CMTM8: variants seen among roughly 807,000 people sequenced by gnomAD.
CMTM8 encodes the protein CKLF like MARVEL transmembrane domain containing 8.
Under a neutral mutation model 18.6 loss-of-function variants are expected in CMTM8, and 12 were observed. That is an observed-to-expected ratio of 0.65 (90% CI 0.41 to 1.05). CMTM8 has a LOEUF of 1.05. Among genes scored for constraint, CMTM8 ranks in the 50% least tolerant of loss-of-function variants. CMTM8 has a pLI of 0.00. For synonymous variants in CMTM8, 87 were observed against 90.6 expected (o/e 0.96, Z 0.23); for missense variants, 217 against 227.2 (o/e 0.95, Z 0.29).
intron 1 of CMTM8, among the ~76,000 whole-genome samples, chr3:32,298,514 C>G: frequency 6.9e-6 from 1 of 144,262 alleles, no homozygotes; most frequent in South Asian, 2.3e-4. Context: ...CTCTTGGTCT[C>G]TTTCCAGGGC....
chr3:32,259,241 A>C (rs1279937399), intron 1 of CMTM8: 15 of 585,654 alleles, frequency 2.6e-5, no homozygotes, highest in Non-Finnish European at 4.7e-5. Flanking sequence ...TACCTGGACA[A>C]AGTGAAGAGC....
At chr3:32,299,684 G>A (rs1407229515) in intron 1 of CMTM8, among the ~76,000 whole-genome samples, 2 of 152,182 alleles carry the variant, frequency 1.3e-5, no homozygotes, top group East Asian at 1.9e-4. Context: ...ATTGACGGTA[G>A]TCTTCAAGAA....
At chr3:32,307,169 G>A (rs1018810354) in intron 1 of CMTM8, among the ~76,000 whole-genome samples, 35 of 151,978 alleles carry the variant, frequency 2.3e-4, no homozygotes, top group Admixed American at 7.2e-4. Context: ...GTGAAATCCC[G>A]TCTCTACTAA....
At chr3:32,285,575 A>T (rs754003426) in intron 1 of CMTM8, among the ~76,000 whole-genome samples, 1 of 152,042 alleles carries the variant, frequency 6.6e-6, no homozygotes, top group Non-Finnish European at 1.5e-5. Flanking sequence ...GGTGAAATCT[A>T]TGTGAAGTGT....
At chr3:32,311,162 T>C (rs1460604652) in intron 1 of CMTM8, among the ~76,000 whole-genome samples, 1 of 152,266 alleles carries the variant, frequency 6.6e-6, no homozygotes, top group Non-Finnish European at 1.5e-5. Context: ...TGACGTGTTT[T>C]TGTGTGACCC....
chr3:32,239,184 G>C, intron 1 of CMTM8, 65 bp downstream of exon 1: 1 of 1,527,734 alleles, frequency 6.5e-7, no homozygotes, highest in Non-Finnish European at 8.8e-7. Flanking sequence ...CTTCCGCCGT[G>C]CTTCTCGGGA....
rs75377953 is a variant in CMTM8, at chr3:32,318,522, A to G, written c.148-38851A>G. 6.0e-3 allele frequency among the ~76,000 whole-genome samples: 904 copies of G among 151,928 alleles called. 11 individuals carry two copies. Among genetic ancestry groups the G allele is most frequent in the African/African-American group, 0.019 (799 of 41,442 alleles). ...TGTGAGAAATGTGAAACTGCGCACA[A>G]TAAAATCACATCTGCCCACCACTTA... On this transcript the variant is annotated intron_variant, in intron 1 of 3. Transcript: ENST00000307526.
intron 1 of CMTM8, among the ~76,000 whole-genome samples, chr3:32,242,904 C>G (rs903237989): frequency 1.3e-5 from 2 of 151,276 alleles, no homozygotes; most frequent in African/African-American, 4.9e-5. Context: ...GTTGCCCAGG[C>G]TGGAGTGCAG....
intron 1 of CMTM8, among the ~76,000 whole-genome samples, chr3:32,269,229 A>C (rs895074305): frequency 1.3e-5 from 2 of 152,132 alleles, no homozygotes; most frequent in African/African-American, 4.8e-5. Context: ...TAGAGGGGAG[A>C]AATGTCTGTG....
At chr3:32,341,136 CT>C (rs1405810551) in intron 1 of CMTM8, among the ~76,000 whole-genome samples, 1 of 152,196 alleles carries the variant, frequency 6.6e-6, no homozygotes, top group Non-Finnish European at 1.5e-5. Context: ...TTCAAAAGGC[CT>C]TGTCGTGATC....
intron 1 of CMTM8, among the ~76,000 whole-genome samples, chr3:32,346,603 G>A (rs1696600373): frequency 1.9e-5 from 1 of 53,462 alleles, no homozygotes; most frequent in Non-Finnish European, 3.9e-5. Flanking sequence ...GAAAGCATGA[G>A]AGGAAGCTCT....
intron 1 of CMTM8, among the ~76,000 whole-genome samples, chr3:32,241,786 T>G (rs73067534): frequency 0.15 from 22,311 of 152,226 alleles, 2,134 homozygotes; most frequent in South Asian, 0.36. Context: ...TAAATACCAC[T>G]TACAACTGAC....
intron 1 of CMTM8, among the ~76,000 whole-genome samples, chr3:32,257,344 G>A (rs759958447): frequency 3.3e-5 from 5 of 152,022 alleles, no homozygotes; most frequent in South Asian, 2.1e-4. Context: ...ATCTAGCTTC[G>A]GCATAGGGAG....
chr3:32,334,585 G>A lies in CMTM8; in HGVS notation c.148-22788G>A, dbSNP rs949487793. Reference sequence around the variant, plus strand: ...CGCACCACTGCACTCCAGCCTGGGCGACAGAGCAAGACTCCATCTCAAAAA... The same window carrying A: ...CGCACCACTGCACTCCAGCCTGGGCAACAGAGCAAGACTCCATCTCAAAAA... On this transcript the variant is annotated intron_variant, in intron 1 of 3. Transcript: ENST00000307526. 2.6e-5 allele frequency among the ~76,000 whole-genome samples: 4 copies of A among 151,276 alleles called. No individual in the cohort carries two copies. The South Asian group carries it at 8.4e-4, about 32-fold the overall frequency.
In CMTM8 at chr3:32,370,244, A is replaced by G. The variant is rs1038849339; in HGVS notation, c.*277A>G. 5.8e-6 allele frequency: 1 copy of G among 173,512 alleles called. No individual in the cohort carries two copies. Among genetic ancestry groups the G allele is most frequent in the Non-Finnish European group, 1.2e-5 (1 of 81,994 alleles). 10.7% of individuals were successfully genotyped at this position (173,512 alleles called of 1,614,324 possible). A position where few individuals can be genotyped will look rare whatever the true frequency, so the allele number is the denominator to read the frequency against. On this transcript the variant is annotated 3_prime_UTR_variant, in exon 4 of 4. Coordinates refer to ENST00000307526, the MANE Select transcript of CMTM8 (RefSeq NM_178868.5). ...ATGTTTAAATAGATAAATTGCTAAT[A>G]TTGAGAATGTGTCAAGTTTGTAAAC...
chr3:32,277,042 C>G (rs1229338072), intron 1 of CMTM8, among the ~76,000 whole-genome samples: 1 of 151,662 alleles, frequency 6.6e-6, no homozygotes, highest in Non-Finnish European at 1.5e-5. Flanking sequence ...ATCCCACCAT[C>G]CCCGGCTAAG....
chr3:32,296,754 G>T (rs927725931), intron 1 of CMTM8, among the ~76,000 whole-genome samples: 1 of 152,192 alleles, frequency 6.6e-6, no homozygotes. Flanking sequence ...CCAGATCTGA[G>T]GTTCCATGGG....
intron 1 of CMTM8, among the ~76,000 whole-genome samples, chr3:32,270,074 A>G (rs1702413492): frequency 1.3e-5 from 2 of 151,464 alleles, no homozygotes; most frequent in African/African-American, 4.9e-5. Flanking sequence ...GTACCAAGCT[A>G]CCTGGCTAAT....
intron 1 of CMTM8, among the ~76,000 whole-genome samples, chr3:32,293,451 G>C (rs1702819243): frequency 6.6e-6 from 1 of 152,236 alleles, no homozygotes; most frequent in South Asian, 2.1e-4. Flanking sequence ...GGAAGGCTGA[G>C]ATGGGAGAAT....
Sources: allele counts gnomAD v4.1 joint callset (sites outside exome capture counted in the v4.1 genomes callset), GRCh38; gene constraint gnomAD v4.1.1; transcripts MANE v1.5; gene names NCBI Gene and HGNC (gene_info 2026-07-23, HGNC 2026-07-21).